The following SPMAP2L variants were observed in gnomAD, a reference collection of about 807,000 sequenced individuals.
SPMAP2L encodes the protein sperm microtubule associated protein 2 like.
the SPMAP2L span, among the ~76,000 whole-genome samples, chr4:56,539,675 G>C: frequency 6.6e-6 from 1 of 152,196 alleles, no homozygotes. Flanking sequence ...GCCTGCCTCA[G>C]CCTCCCAAAG....
the SPMAP2L span, among the ~76,000 whole-genome samples, chr4:56,549,450 A>G: frequency 6.6e-5 from 10 of 152,284 alleles, no homozygotes; most frequent in Admixed American, 2.6e-4. Context: ...CCTTGCCTCT[A>G]ATTCAAGTAC....
the SPMAP2L span, among the ~76,000 whole-genome samples, chr4:56,615,512 C>T: frequency 2.0e-5 from 3 of 152,156 alleles, no homozygotes; most frequent in East Asian, 1.9e-4. Context: ...TTTGGGAGGC[C>T]GAGGCGGGTG....
chr4:56,560,719 T>C, the SPMAP2L span, among the ~76,000 whole-genome samples: 1 of 152,042 alleles, frequency 6.6e-6, no homozygotes, highest in Non-Finnish European at 1.5e-5. Flanking sequence ...TGAGCCACTG[T>C]ACCTGGCCAG....
At chr4:56,582,241 T>G in the SPMAP2L span, among the ~76,000 whole-genome samples, 3 of 152,192 alleles carry the variant, frequency 2.0e-5, no homozygotes, top group East Asian at 3.9e-4. Flanking sequence ...TAAAGGACAC[T>G]ACCAAGAGAG....
the SPMAP2L span, among the ~76,000 whole-genome samples, chr4:56,553,498 CT>C: frequency 3.1e-3 from 461 of 146,704 alleles, 1 homozygote; most frequent in African/African-American, 0.01. Flanking sequence ...TGTCCTATTG[CT>C]TTTTTTTTTT....
the SPMAP2L span, among the ~76,000 whole-genome samples, chr4:56,590,996 T>A: frequency 6.6e-6 from 1 of 152,208 alleles, no homozygotes; most frequent in Non-Finnish European, 1.5e-5. Flanking sequence ...TTGGTTTCTG[T>A]CTTAGAGAAT....
the SPMAP2L span, chr4:56,548,761 T>G: frequency 6.9e-7 from 1 of 1,455,362 alleles, no homozygotes; most frequent in Non-Finnish European, 9.1e-7. Context: ...TTGAATCTAA[T>G]TTTTGCTTTT....
At chr4:56,608,863 G>T in the SPMAP2L span, among the ~76,000 whole-genome samples, 1 of 152,252 alleles carries the variant, frequency 6.6e-6, no homozygotes, top group African/African-American at 2.4e-5. Context: ...GTGAACCTTA[G>T]TGTGTTCAGA....
At chr4:56,543,973 T>TGAGAGA in the SPMAP2L span, among the ~76,000 whole-genome samples, 352 of 127,280 alleles carry the variant, frequency 2.8e-3, 6 homozygotes, top group African/African-American at 6.4e-3. Context: ...TGTGTGTATG[T>TGAGAGA]GAGAGAGAGA....
At chr4:56,569,590 A>G in the SPMAP2L span, among the ~76,000 whole-genome samples, 1 of 151,944 alleles carries the variant, frequency 6.6e-6, no homozygotes, top group African/African-American at 2.4e-5. Context: ...TGGGTGGATC[A>G]CTCGAGGTCA....
chr4:56,593,253 A>T, the SPMAP2L span: 1 of 1,265,134 alleles, frequency 7.9e-7, no homozygotes, highest in South Asian at 1.2e-5. Context: ...CTGCTGGATG[A>T]GGGACTGCGG....
chr4:56,599,365 AATT>A, the SPMAP2L span, among the ~76,000 whole-genome samples: 1 of 151,824 alleles, frequency 6.6e-6, no homozygotes, highest in African/African-American at 2.4e-5. Flanking sequence ...TTTTGCTCAA[AATT>A]ATTATTTTTT....
the SPMAP2L span, chr4:56,594,974 A>G: frequency 1.9e-6 from 3 of 1,609,302 alleles, no homozygotes; most frequent in Non-Finnish European, 2.6e-6. Context: ...CATTGGCGTA[A>G]GAAATACCTT....
At chr4:56,574,595 T>TA in the SPMAP2L span, among the ~76,000 whole-genome samples, 1 of 152,260 alleles carries the variant, frequency 6.6e-6, no homozygotes, top group South Asian at 2.1e-4. Flanking sequence ...AGAAATATAG[T>TA]AAAAAAATTT....
chr4:56,602,472 C>G, the SPMAP2L span, among the ~76,000 whole-genome samples: 1 of 152,110 alleles, frequency 6.6e-6, no homozygotes, highest in Admixed American at 6.5e-5. Flanking sequence ...GCAGACAGAT[C>G]ACTTGAGCCC....
chr4:56,537,682 G>A, the SPMAP2L span, among the ~76,000 whole-genome samples: 5 of 151,734 alleles, frequency 3.3e-5, no homozygotes, highest in African/African-American at 1.2e-4. Context: ...TTCTCACCTG[G>A]ATTTCTTTTC....
the SPMAP2L span, chr4:56,596,417 G>A: frequency 7.3e-7 from 1 of 1,375,532 alleles, no homozygotes; most frequent in Non-Finnish European, 9.4e-7. Context: ...CTGGCCCAGA[G>A]GTCAAATCAT....
the SPMAP2L span, among the ~76,000 whole-genome samples, chr4:56,542,859 C>CAA: frequency 6.6e-6 from 1 of 152,106 alleles, no homozygotes; most frequent in Non-Finnish European, 1.5e-5. Context: ...GTTTCAACAA[C>CAA]CAGTCTTGTT....
chr4:56,569,666 G>A, the SPMAP2L span, among the ~76,000 whole-genome samples: 1 of 152,044 alleles, frequency 6.6e-6, no homozygotes, highest in Non-Finnish European at 1.5e-5. Context: ...AATTAGCTGG[G>A]TATGGTGGTA....
Sources: allele counts gnomAD v4.1 joint callset (sites outside exome capture counted in the v4.1 genomes callset), GRCh38; gene constraint gnomAD v4.1.1; transcripts MANE v1.5; gene names NCBI Gene and HGNC (gene_info 2026-07-23, HGNC 2026-07-21).